DNAH10: variants seen among roughly 807,000 people sequenced by gnomAD.
DNAH10 encodes axonemal beta dynein heavy chain 10.
In DNAH10, 348 loss-of-function variants were observed where a neutral mutation model predicts 506.6. That is an observed-to-expected ratio of 0.69 (90% CI 0.63 to 0.75). DNAH10 has a LOEUF of 0.75. Among genes scored for constraint, DNAH10 ranks in the 30% least tolerant of loss-of-function variants. DNAH10 has a pLI of 0.00. For missense variants in DNAH10, 5,179 were observed against 5,787.1 expected (o/e 0.89, Z 3.41); for synonymous variants, 2,059 against 2,198.6 (o/e 0.94, Z 1.78).
chr12:123,847,932 A>G, intron 32 of DNAH10, 29 bp from the exon 33 acceptor site: 3 of 1,581,152 alleles, frequency 1.9e-6, no homozygotes, highest in Non-Finnish European at 2.6e-6. Flanking sequence ...GCACCAGAAA[A>G]CATATGTTTT....
chr12:123,851,271 ATGTGTTAGTT>A (rs1166154587), intron 35 of DNAH10, among the ~76,000 whole-genome samples, 195 bp downstream of exon 35: 1 of 131,580 alleles, frequency 7.6e-6, no homozygotes, highest in Non-Finnish European at 1.5e-5. Flanking sequence ...GGGACCTAGG[ATGTGTTAGTT>A]CCATGTGGGT....
At chr12:123,772,340 G>T (rs534072098) in intron 3 of DNAH10, among the ~76,000 whole-genome samples, 1 of 152,308 alleles carries the variant, frequency 6.6e-6, no homozygotes, top group African/African-American at 2.4e-5. Flanking sequence ...ATATTAGGAA[G>T]GGTATTCCAA....
chr12:123,877,806 T>A lies in DNAH10; in HGVS notation c.8270T>A (p.Ile2757Asn). The change falls in exon 48 of 79, where the codon ATT becomes AAT. Residue 2757 changes from isoleucine (I) to asparagine (N), a missense_variant. Ile to Asn is a moderately radical substitution (Grantham distance 149, BLOSUM62 -3). Around this residue, in one of 3 missense-constraint regions of DNAH10, gnomAD observed 4,844 missense variants for 5,430.5 expected, o/e 0.89. Coordinates refer to ENST00000673944, the MANE Select transcript of DNAH10 (RefSeq NM_001372106.1). ...TFCTLALYKN[I>N]VQDLPPTPSK... ...TGCACGCTAGCACTTTACAAAAATA[T>A]TGTGCAAGACCTACCTCCCACTCCG... The A allele has an allele frequency of 6.2e-7, 1 of 1,613,974 alleles. No homozygotes were observed. Among genetic ancestry groups the A allele is most frequent in the Non-Finnish European group, 8.5e-7 (1 of 1,179,884 alleles).
At chr12:123,815,979 A>C (rs7135459) in intron 21 of DNAH10, among the ~76,000 whole-genome samples, 4,329 of 152,290 alleles carry the variant, frequency 0.028, 186 homozygotes, top group African/African-American at 0.095. Flanking sequence ...ATATGCAATC[A>C]ATTTTTGGCC....
At chr12:123,889,071 A>C (rs891377621) in intron 52 of DNAH10, among the ~76,000 whole-genome samples, 8 of 152,146 alleles carry the variant, frequency 5.3e-5, no homozygotes, top group Non-Finnish European at 7.4e-5. Context: ...TTTTCTGTGA[A>C]CATCTGCCGG....
At chr12:123,878,412 T>C (rs1715435063) in intron 48 of DNAH10, among the ~76,000 whole-genome samples, 1 of 152,242 alleles carries the variant, frequency 6.6e-6, no homozygotes, top group South Asian at 2.1e-4. Flanking sequence ...ATTCATATTA[T>C]GAATCCAGAA....
intron 23 of DNAH10, 111 bp from the exon 24 acceptor site, chr12:123,820,469 G>A: frequency 9.0e-7 from 1 of 1,116,262 alleles, no homozygotes; most frequent in Non-Finnish European, 1.3e-6. Context: ...GTCTTCCCGT[G>A]TGGTTTATGA....
intron 66 of DNAH10, 95 bp from the exon 67 acceptor site, chr12:123,924,183 G>A: frequency 6.9e-7 from 1 of 1,447,414 alleles, no homozygotes; most frequent in Non-Finnish European, 9.1e-7. Flanking sequence ...TTCTTGAAAA[G>A]TGGACTTTTC....
rs376716930 is a variant in DNAH10 at position 123,909,568 on chromosome 12, C to G, written c.9997+126C>G. The G allele has an allele frequency of 8.1e-7, 1 of 1,231,510 alleles. No individual in the cohort carries two copies. Among genetic ancestry groups the G allele is most frequent in the Non-Finnish European group, 1.1e-6 (1 of 910,398 alleles). The allele number at this position is 1,231,510 out of a possible 1,614,324, so 76.3% of individuals were successfully genotyped here. A position where few individuals can be genotyped will look rare whatever the true frequency, so the allele number is the denominator to read the frequency against. On this transcript the variant is annotated intron_variant, in intron 58 of 78. Transcript: ENST00000673944. This position sits in a 1 kb window ranked among gnomAD's most constrained non-coding sequence, Gnocchi z 5.4. ...CCCTCCCCTTCTGGTCAGATGGTAT[C>G]GGATGGAACAGGCAACTGATGGTCA...
chr12:123,872,108 C>A (rs147925267), intron 45 of DNAH10, among the ~76,000 whole-genome samples: 20 of 152,122 alleles, frequency 1.3e-4, no homozygotes, highest in African/African-American at 4.6e-4. Flanking sequence ...TGATCTGGGG[C>A]CCTTTTGGAG....
Position 123,926,689 on chromosome 12 carries a change from C to T in DNAH10, c.11974C>T (p.Pro3992Ser). Residue 3992 changes from proline to serine, a missense_variant, in exon 69 of 79, where the codon CCA (proline) becomes TCA (serine). Physicochemically the swap from Pro to Ser is moderately conservative, Grantham distance 74. Coordinates refer to ENST00000673944, the MANE Select transcript of DNAH10 (RefSeq NM_001372106.1). The surrounding 1 kb of genome is among the most constrained non-coding windows in gnomAD (Gnocchi z 4.1). ...SFEAIFEQSTPHSPIVFILSP... is the reference protein window; with the variant it reads ...SFEAIFEQSTSHSPIVFILSP... ...TGAAGCTATTTTTGAGCAGAGCACT[C>T]CACATTCGCCCATTGTGTTTATCCT... 4 of 1,613,968 alleles carry T rather than the reference C, an allele frequency of 2.5e-6. No homozygotes were observed. Among genetic ancestry groups the T allele is most frequent in the Non-Finnish European group, 3.4e-6 (4 of 1,179,886 alleles).
intron 46 of DNAH10, among the ~76,000 whole-genome samples, chr12:123,874,774 G>A (rs952891368): frequency 2.0e-5 from 3 of 152,196 alleles, no homozygotes; most frequent in African/African-American, 7.2e-5. Flanking sequence ...GTTGAAACAG[G>A]TGAAACCAAG....
At chr12:123,906,025 C>T (rs1262419179) in intron 57 of DNAH10, among the ~76,000 whole-genome samples, 1 of 151,108 alleles carries the variant, frequency 6.6e-6, no homozygotes, top group East Asian at 1.9e-4. Flanking sequence ...TCACGCCATT[C>T]TCCTGCCTCA....
chr12:123,838,930 G>T (rs1950666480), intron 29 of DNAH10, among the ~76,000 whole-genome samples: 1 of 152,182 alleles, frequency 6.6e-6, no homozygotes, highest in African/African-American at 2.4e-5. Flanking sequence ...TGCCACCTCA[G>T]CTGCCTGAGT....
At chr12:123,934,954 G>T in intron 78 of DNAH10, 188 bp downstream of exon 78, 2 of 745,068 alleles carry the variant, frequency 2.7e-6, no homozygotes, top group South Asian at 1.9e-5. Flanking sequence ...GCGGCTGTAT[G>T]TGTGTGTGGA....
At chr12:123,860,910 G>T in intron 38 of DNAH10, 102 bp from the exon 39 acceptor site, 2 of 1,508,930 alleles carry the variant, frequency 1.3e-6, no homozygotes, top group Non-Finnish European at 1.8e-6. Context: ...TTTCAATTTT[G>T]GATTAAAGTC....
intron 30 of DNAH10, 88 bp downstream of exon 30, chr12:123,841,633 C>T (rs1248088563): frequency 2.3e-6 from 3 of 1,305,042 alleles, no homozygotes; most frequent in Non-Finnish European, 3.2e-6. Flanking sequence ...GATTGGCTGA[C>T]ATTCCAAATG....
chr12:123,935,256 AAG>A (rs1443349229), intron 78 of DNAH10, 77 bp from the exon 79 acceptor site: 22 of 1,546,448 alleles, frequency 1.4e-5, no homozygotes, highest in Non-Finnish European at 1.7e-5. Context: ...CCTGCCTGTC[AAG>A]ACTTACACTG....
intron 11 of DNAH10, among the ~76,000 whole-genome samples, chr12:123,793,355 T>G (rs1213534433): frequency 6.8e-6 from 1 of 147,542 alleles, no homozygotes; most frequent in African/African-American, 2.5e-5. Context: ...TTTTTTTTTT[T>G]TGGAATGGAG....
Sources: gnomAD v4.1 joint callset for allele counts (sites outside exome capture counted in the v4.1 genomes callset) on GRCh38, gnomAD v4.1.1 for gene constraint, gnomAD v4.1.1 regional missense constraint, Gnocchi (gnomAD v3.1) non-coding constraint, MANE v1.5 for transcripts, NCBI Gene and HGNC (gene_info 2026-07-23, HGNC 2026-07-21) for gene names.